RDH13: variants seen among roughly 807,000 people sequenced by gnomAD.
RDH13 encodes retinol dehydrogenase 13.
RDH13 carries 35 observed loss-of-function variants against 28.3 expected under a neutral mutation model. That is an observed-to-expected ratio of 1.24 (90% CI 0.95 to 1.64). RDH13 has a LOEUF of 1.64. Ranked by LOEUF, RDH13 falls within the 40% of genes most tolerant of loss-of-function variation. The pLI is 0.00. For synonymous variants in RDH13, 229 were observed against 198.5 expected (o/e 1.15, Z -1.29); for missense variants, 514 against 446.3 (o/e 1.15, Z -1.37).
upstream of RDH13, chr19:55,067,380 T>C (rs753905990): frequency 1.3e-5 from 2 of 152,222 alleles, no homozygotes; most frequent in African/African-American, 4.8e-5. Flanking sequence ...CACGGCCATG[T>C]GAGCCGGCAA....
At chr19:55,043,835 A>C (rs1218362194), downstream of RDH13, among the ~76,000 whole-genome samples, 2 of 152,128 alleles carry the variant, frequency 1.3e-5, no homozygotes, top group Admixed American at 1.3e-4. Flanking sequence ...AGTTTCTAAC[A>C]CAGCAGTCTT....
intron 4 of RDH13, 42 bp downstream of exon 4, chr19:55,048,617 G>A: frequency 6.2e-7 from 1 of 1,610,014 alleles, no homozygotes; most frequent in East Asian, 2.2e-5. Context: ...CGACGGGGGA[G>A]GATCGCTTGA....
intron 6 of RDH13, chr19:55,047,031 T>C: frequency 1.3e-6 from 1 of 797,710 alleles, no homozygotes; most frequent in Non-Finnish European, 1.7e-6. Flanking sequence ...ACTCTGCAGA[T>C]GAAGAAACAG....
intron 6 of RDH13, among the ~76,000 whole-genome samples, chr19:55,045,947 A>C (rs1316861175): frequency 8.9e-5 from 3 of 33,576 alleles, no homozygotes; most frequent in South Asian, 8.4e-4. Flanking sequence ...ACTTCGTCTC[A>C]AAAAAAAAAA....
Position 55,045,036 on chromosome 19 carries a change from T to TCCC in RDH13, c.*37_*38insGGG. On this transcript the variant is annotated 3_prime_UTR_variant, in exon 7 of 7. Coordinates refer to ENST00000415061, the MANE Select transcript of RDH13 (RefSeq NM_001145971.2). ...GCATGGCGGACAGCTGTCCTCGGTC[T>TCCC]GGAGGCGCCATCCTGGCTTTCAAAT... is the stretch of plus-strand genomic sequence containing the variant. 6.8e-7 allele frequency: 1 copy of TCCC among 1,464,100 alleles called. No homozygotes were observed. The highest frequency in any genetic ancestry group is 9.3e-7 in the Non-Finnish European group (1 of 1,071,720). The allele number at this position is 1,464,100 out of a possible 1,614,324, so 90.7% of individuals were successfully genotyped here. A position where few individuals can be genotyped will look rare whatever the true frequency, so the allele number is the denominator to read the frequency against.
Position 55,062,952 on chromosome 19 carries a change from G to A in RDH13, c.65+16C>T. On this transcript the variant is annotated intron_variant, in intron 1 of 6. Coordinates refer to ENST00000415061, the MANE Select transcript of RDH13 (RefSeq NM_001145971.2). ...GGCCCGCCTTGACCGCGCACGCGGG[G>A]CTAGAATGTACTCACTTGAGCAGCA... The A allele has an allele frequency of 1.4e-6, 2 of 1,466,948 alleles. No individual in the cohort carries two copies. Among genetic ancestry groups the A allele is most frequent in the Middle Eastern group, 1.9e-4 (1 of 5,180 alleles). 90.9% of individuals were successfully genotyped at this position (1,466,948 alleles called of 1,614,324 possible).
At chr19:55,052,742 A>G (rs535547983) in intron 3 of RDH13, among the ~76,000 whole-genome samples, 2 of 150,210 alleles carry the variant, frequency 1.3e-5, no homozygotes, top group African/African-American at 4.9e-5. Flanking sequence ...GCTCACTGCA[A>G]GCTCCACCTC....
intron 5 of RDH13, chr19:55,047,924 T>G (rs1198747869): frequency 4.8e-6 from 3 of 629,466 alleles, no homozygotes; most frequent in Non-Finnish European, 7.5e-6. Context: ...TGTAGGACAT[T>G]GAGAGCATCT....
chr19:55,047,222 A>C lies in RDH13; in HGVS notation c.760+165T>G, dbSNP rs374641796. ...CGGGGCTGTTAGAGGCTGGCAGGCC[A>C]GGTCAACGGAGGAAAGGGACCTGTG... On this transcript the variant is annotated intron_variant, in intron 6 of 6. Coordinates refer to ENST00000415061, the MANE Select transcript of RDH13 (RefSeq NM_001145971.2). 92 of 1,411,004 alleles carry C rather than the reference A, an allele frequency of 6.5e-5. No individual in the cohort carries two copies. In the South Asian group the frequency reaches 8.3e-4, roughly 13 times the overall value. 87.4% of individuals were successfully genotyped at this position (1,411,004 alleles called of 1,614,324 possible).
chr19:55,050,125 T>TG (rs33938316), intron 3 of RDH13, among the ~76,000 whole-genome samples: 259 of 47,340 alleles, frequency 5.5e-3, no homozygotes, highest in Middle Eastern at 0.016. Context: ...TTTTTTTTTT[T>TG]GGGGGGGGGA....
chr19:55,062,047 G>A (rs2075822714), intron 1 of RDH13, among the ~76,000 whole-genome samples: 1 of 152,080 alleles, frequency 6.6e-6, no homozygotes, highest in Non-Finnish European at 1.5e-5. Flanking sequence ...AACCCGGGAG[G>A]TGGAGGTTGT....
chr19:55,045,185 G>C lies in RDH13; in HGVS notation c.885C>G (p.Ala295=), dbSNP rs375084398. The change falls in exon 7 of 7, where the codon GCC becomes GCG. Residue 295 remains alanine, a synonymous_variant. Coordinates refer to ENST00000415061, the MANE Select transcript of RDH13 (RefSeq NM_001145971.2). ...CCTCATCCTCAGCCTCGGGGGCCGGGGCCTTCTGTTTGAGTCCATCGAAGT... is the reference window on the plus strand; with the variant it reads ...CCTCATCCTCAGCCTCGGGGGCCGGCGCCTTCTGTTTGAGTCCATCGAAGT... ...GKYFDGLKQK[A]PAPEAEDEEV... The C allele has an allele frequency of 1.2e-6, 2 of 1,613,678 alleles. No individual in the cohort carries two copies. The highest frequency in any genetic ancestry group is 1.7e-5 in the Admixed American group (1 of 60,028).
In RDH13 at chr19:55,063,079, T is replaced by G. The variant is rs569220119; in HGVS notation, c.-47A>C. 3.3e-6 allele frequency: 4 copies of G among 1,203,886 alleles called. No homozygotes were observed. Among genetic ancestry groups the G allele is most frequent in the Admixed American group, 4.7e-5 (1 of 21,310 alleles). 74.6% of individuals were successfully genotyped at this position (1,203,886 alleles called of 1,614,324 possible). ...AGGCGTCAGGGGTCGGCGCGGAGCT[T>G]GCTGCACACCAGCCGCCTGGGTAGC... On this transcript the variant is annotated 5_prime_UTR_variant, in exon 1 of 7. Transcript: ENST00000415061.
At chr19:55,054,083 T>G (rs1235481788) in intron 3 of RDH13, among the ~76,000 whole-genome samples, 2 of 152,126 alleles carry the variant, frequency 1.3e-5, no homozygotes, top group Non-Finnish European at 2.9e-5. Flanking sequence ...CCAACGAATG[T>G]GCACCTGCAC....
intron 3 of RDH13, among the ~76,000 whole-genome samples, chr19:55,052,120 A>G (rs2075463685): frequency 6.9e-6 from 1 of 143,984 alleles, no homozygotes; most frequent in Non-Finnish European, 1.5e-5. Context: ...GCAGTGGTAC[A>G]ATCAAAGCTC....
intron 1 of RDH13, 31 bp downstream of exon 1, chr19:55,062,937 G>C (rs2075850909): frequency 7.0e-7 from 1 of 1,434,182 alleles, no homozygotes; most frequent in Admixed American, 3.0e-5. Flanking sequence ...GGCCCGCCTT[G>C]ACCGCGCACG....
At chr19:55,047,153 G>C (rs930603487) in intron 6 of RDH13, 90 of 1,405,240 alleles carry the variant, frequency 6.4e-5, no homozygotes, top group Non-Finnish European at 7.3e-5. Context: ...CTCTTCCTCT[G>C]AGACACGGTT....
chr19:55,058,484 G>T (rs1047073190), intron 2 of RDH13, among the ~76,000 whole-genome samples: 2 of 151,190 alleles, frequency 1.3e-5, no homozygotes, highest in African/African-American at 4.9e-5. Context: ...CTAAACTTCC[G>T]TTTCCATTAA....
At position 55,045,321 on chromosome 19, in the gene RDH13, C is replaced by T; in HGVS notation, c.761-12G>A. On this transcript the variant is annotated splice_polypyrimidine_tract_variant and intron_variant, in intron 6 of 6. Transcript: ENST00000415061. Reference sequence around the variant, plus strand: ...CCAGAAGATGGGCCCTGCAATCAGCCCACAGGGCATTTAGTCCACACTCGC... The same window carrying T: ...CCAGAAGATGGGCCCTGCAATCAGCTCACAGGGCATTTAGTCCACACTCGC... The T allele has an allele frequency of 1.9e-6, 3 of 1,601,534 alleles. No homozygotes were observed. Among genetic ancestry groups the T allele is most frequent in the East Asian group, 2.2e-5 (1 of 44,800 alleles).
Sources: allele counts gnomAD v4.1 joint callset (sites outside exome capture counted in the v4.1 genomes callset), GRCh38; gene constraint gnomAD v4.1.1; transcripts MANE v1.5; gene names NCBI Gene and HGNC (gene_info 2026-07-23, HGNC 2026-07-21).